The following OPHN1 variants were observed in gnomAD, a reference collection of about 807,000 sequenced individuals.
The protein encoded by OPHN1 is oligophrenin 1, also known as oligophrenin-1.
Under a neutral mutation model 60.7 loss-of-function variants are expected in OPHN1, and 11 were observed. That is an observed-to-expected ratio of 0.18 (90% CI 0.11 to 0.30). The LOEUF (loss-of-function observed/expected upper bound fraction) is 0.30. OPHN1 is among the 10% of genes least tolerant of loss of function. OPHN1 has a pLI of 1.00. For missense variants in OPHN1, 449 were observed against 611.0 expected (o/e 0.73, Z 2.80); for synonymous variants, 226 against 222.6 (o/e 1.02, Z -0.14).
intron 6 of OPHN1, among the ~76,000 whole-genome samples, chrX:68,232,209 C>A (rs751017390): frequency 4.7e-4 from 53 of 111,636 alleles, no homozygotes; most frequent in Non-Finnish European, 9.8e-4. Context: ...TGGATTGTGT[C>A]CAGGGTCCAG....
chrX:68,424,793 A>G (rs1316811059), intron 2 of OPHN1, among the ~76,000 whole-genome samples: 1 of 111,758 alleles, frequency 8.9e-6, no homozygotes, highest in Non-Finnish European at 1.9e-5. Context: ...ACACACTGAA[A>G]GGTTGGCTTG....
intron 2 of OPHN1, among the ~76,000 whole-genome samples, chrX:68,303,976 T>C (rs1320049290): frequency 9.0e-6 from 1 of 111,305 alleles, no homozygotes; most frequent in Non-Finnish European, 1.9e-5. Flanking sequence ...TACAAAATTA[T>C]GGCTAGACAG....
chrX:68,227,182 G>C (rs1279831732), intron 6 of OPHN1, among the ~76,000 whole-genome samples: 1 of 111,633 alleles, frequency 9.0e-6, no homozygotes, highest in African/African-American at 3.3e-5. Context: ...AATGGTAAAG[G>C]AATCAATTCA....
chrX:68,368,247 C>A (rs1187782956), intron 2 of OPHN1, among the ~76,000 whole-genome samples: 1 of 111,442 alleles, frequency 9.0e-6, no homozygotes, highest in Non-Finnish European at 1.9e-5. Context: ...AAAGCAACTG[C>A]TGGCCAGGTA....
Position 68,199,947 on chromosome X carries a change from G to A in OPHN1, c.1025+1672C>T, listed in dbSNP as rs192738724. On this transcript the variant is annotated intron_variant, in intron 11 of 24. Coordinates refer to ENST00000355520, the MANE Select transcript of OPHN1 (RefSeq NM_002547.3). ...ATGGTGGCACACGCCTGTAGTCCCAGCTACTCAGGAGGCTGAGGCAGGAGA... is the reference window on the plus strand; with the variant it reads ...ATGGTGGCACACGCCTGTAGTCCCAACTACTCAGGAGGCTGAGGCAGGAGA... Among the ~76,000 whole-genome samples the A allele has an allele frequency of 2.7e-5, 3 of 111,964 alleles. No homozygotes were observed. In the East Asian group the frequency reaches 8.5e-4, roughly 32 times the overall value.
intron 2 of OPHN1, among the ~76,000 whole-genome samples, chrX:68,337,585 C>T (rs1402420723): frequency 1.8e-5 from 2 of 110,882 alleles, no homozygotes; most frequent in East Asian, 2.8e-4. Flanking sequence ...ATATTGACCC[C>T]AAATGATCCT....
intron 2 of OPHN1, among the ~76,000 whole-genome samples, chrX:68,359,243 CATT>C (rs1384842750): frequency 1.8e-5 from 2 of 111,517 alleles, no homozygotes; most frequent in African/African-American, 3.3e-5. Flanking sequence ...ATAGTGCACA[CATT>C]ATTATTCTGC....
chrX:68,135,839 G>A (rs2077779814), intron 15 of OPHN1, among the ~76,000 whole-genome samples: 2 of 112,036 alleles, frequency 1.8e-5, no homozygotes, highest in Admixed American at 9.4e-5. Flanking sequence ...TATGGATGGA[G>A]TATGCTTGGA....
intron 2 of OPHN1, among the ~76,000 whole-genome samples, chrX:68,327,792 A>T (rs1352600792): frequency 5.0e-5 from 4 of 80,304 alleles, no homozygotes; most frequent in South Asian, 5.7e-4. Flanking sequence ...AAAAAATAAA[A>T]AAAATAAAAA....
chrX:68,363,078 T>C (rs921494243), intron 2 of OPHN1, among the ~76,000 whole-genome samples: 3 of 108,970 alleles, frequency 2.8e-5, no homozygotes, highest in Non-Finnish European at 5.7e-5. Context: ...TAAAAACCCA[T>C]CTCTACTAAA....
At chrX:68,408,204 T>C (rs1279956219) in intron 2 of OPHN1, among the ~76,000 whole-genome samples, 1 of 112,544 alleles carries the variant, frequency 8.9e-6, no homozygotes, top group African/African-American at 3.2e-5. Flanking sequence ...CTCAGGTATG[T>C]AGGACTATTG....
At chrX:68,277,358 C>T (rs2077996436) in intron 4 of OPHN1, among the ~76,000 whole-genome samples, 1 of 112,648 alleles carries the variant, frequency 8.9e-6, no homozygotes, top group Non-Finnish European at 1.9e-5. Context: ...TCACCTCCTG[C>T]TGTGTGGTCA....
rs1302411596 is a variant in OPHN1, at chrX:68,055,780, AG to A, written c.2159-1971del. ...ATGGAATACTATGCAGCCATAAAAAAGGATGAGTTCTTGTCCTCTGTAGGGA... is the reference window on the plus strand; with the variant it reads ...ATGGAATACTATGCAGCCATAAAAAAGATGAGTTCTTGTCCTCTGTAGGGA... On this transcript the variant is annotated intron_variant, in intron 21 of 24. Coordinates refer to ENST00000355520, the MANE Select transcript of OPHN1 (RefSeq NM_002547.3). Among the ~76,000 whole-genome samples the A allele has an allele frequency of 8.0e-5, 9 of 112,384 alleles. No individual in the cohort carries two copies. The South Asian group carries it at 3.4e-3, about 42-fold the overall frequency.
At chrX:68,337,129 G>A (rs772349195) in intron 2 of OPHN1, among the ~76,000 whole-genome samples, 150 of 110,764 alleles carry the variant, frequency 1.4e-3, no homozygotes, top group African/African-American at 4.7e-3. Flanking sequence ...AAAAGAACCA[G>A]AAATTGCACC....
At chrX:68,351,763 C>G (rs1271691305) in intron 2 of OPHN1, among the ~76,000 whole-genome samples, 1 of 111,195 alleles carries the variant, frequency 9.0e-6, no homozygotes, top group Non-Finnish European at 1.9e-5. Context: ...GTGCCGCGAT[C>G]TCGGCTCACT....
At chrX:68,325,400 A>G (rs969058455) in intron 2 of OPHN1, among the ~76,000 whole-genome samples, 1 of 106,619 alleles carries the variant, frequency 9.4e-6, no homozygotes, top group Non-Finnish European at 1.9e-5. Context: ...GCACATATAT[A>G]TAAAAAATTA....
intron 5 of OPHN1, among the ~76,000 whole-genome samples, chrX:68,238,507 T>C (rs2077764030): frequency 9.0e-6 from 1 of 111,320 alleles, no homozygotes; most frequent in Admixed American, 9.6e-5. Context: ...TTAACATCTG[T>C]ATAATATTAA....
At chrX:68,066,252 G>A in intron 20 of OPHN1, among the ~76,000 whole-genome samples, 1 of 111,998 alleles carries the variant, frequency 8.9e-6, no homozygotes. Flanking sequence ...CAACATCTCA[G>A]CTGCATGTTC....
intron 2 of OPHN1, among the ~76,000 whole-genome samples, chrX:68,355,795 G>A (rs1350552375): frequency 8.9e-6 from 1 of 111,900 alleles, no homozygotes; most frequent in Non-Finnish European, 1.9e-5. Flanking sequence ...CCAGCGCTTT[G>A]GGAGGCCGAG....
Sources: allele counts gnomAD v4.1 joint callset (sites outside exome capture counted in the v4.1 genomes callset), GRCh38; gene constraint gnomAD v4.1.1; transcripts MANE v1.5; gene names NCBI Gene and HGNC (gene_info 2026-07-23, HGNC 2026-07-21).